Variants in DNM3 observed in about 807,000 individuals in gnomAD.
DNM3 encodes the protein dynamin-3.
A neutral mutation model predicts 101.6 loss-of-function variants in DNM3; 47 were observed. The ratio of observed to expected loss-of-function variants is 0.46; its 90% CI spans 0.37 to 0.59. The LOEUF (loss-of-function observed/expected upper bound fraction) is 0.59, where lower values mean the gene tolerates loss of function less well. DNM3 is among the 20% of genes least tolerant of loss of function. The pLI, the probability that DNM3 is intolerant of heterozygous loss-of-function variation, is 0.00. For synonymous variants in DNM3, 385 were observed against 387.9 expected (o/e 0.99, Z 0.09); for missense variants, 849 against 1,085.7 (o/e 0.78, Z 3.06).
chr1:171,894,130 G>C (rs1424678369), intron 1 of DNM3, among the ~76,000 whole-genome samples: 1 of 150,974 alleles, frequency 6.6e-6, no homozygotes, highest in East Asian at 2.0e-4. Flanking sequence ...CCCAATTTTT[G>C]TATTTTTAAT....
At chr1:172,385,825 T>C (rs1358869079) in intron 18 of DNM3, among the ~76,000 whole-genome samples, 2 of 152,208 alleles carry the variant, frequency 1.3e-5, no homozygotes, top group African/African-American at 4.8e-5. Flanking sequence ...AGCTTTCTCA[T>C]GTAACAGAGA....
chr1:172,344,304 C>T (rs181238831), intron 17 of DNM3, among the ~76,000 whole-genome samples: 2 of 152,262 alleles, frequency 1.3e-5, no homozygotes, highest in East Asian at 3.9e-4. Context: ...GTTGCTCTGC[C>T]CAGGTTATGT....
intron 13 of DNM3, among the ~76,000 whole-genome samples, chr1:172,115,684 C>T (rs1007494520): frequency 1.3e-5 from 2 of 152,190 alleles, no homozygotes; most frequent in African/African-American, 4.8e-5. Flanking sequence ...ATTCATTCCC[C>T]TCCTCCATCC....
chr1:171,892,628 A>G (rs2037391569), intron 1 of DNM3, among the ~76,000 whole-genome samples: 1 of 152,210 alleles, frequency 6.6e-6, no homozygotes, highest in Non-Finnish European at 1.5e-5. Context: ...TTGTTCATTT[A>G]TGTATACATG....
At chr1:172,046,204 A>C (rs1261609089) in intron 9 of DNM3, among the ~76,000 whole-genome samples, 1 of 152,120 alleles carries the variant, frequency 6.6e-6, no homozygotes, top group Non-Finnish European at 1.5e-5. Context: ...GCACATATAC[A>C]CCATGGAATA....
rs558229914 is a variant in DNM3, at chr1:172,337,021, T to C, written c.1893+13681T>C. Among the ~76,000 whole-genome samples, 302 of 152,352 alleles carry C rather than the reference T, an allele frequency of 2.0e-3. 7 individuals are homozygous for C. The highest frequency in any genetic ancestry group is 2.9e-4 in the Non-Finnish European group (20 of 68,034). Reference sequence around the variant, plus strand: ...CTATCTTCCAATGTATCGGCTATCATTATTTTTTGTACTTGCATGATGTTT... The same window carrying C: ...CTATCTTCCAATGTATCGGCTATCACTATTTTTTGTACTTGCATGATGTTT... On this transcript the variant is annotated intron_variant, in intron 17 of 20. Transcript: ENST00000627582.
chr1:172,334,594 T>A (rs539466730), intron 17 of DNM3, among the ~76,000 whole-genome samples: 2 of 152,182 alleles, frequency 1.3e-5, no homozygotes, highest in Non-Finnish European at 2.9e-5. Flanking sequence ...GGAGCCCAAT[T>A]CACTTAGGAT....
intron 15 of DNM3, among the ~76,000 whole-genome samples, chr1:172,288,199 A>G (rs1221906140): frequency 1.3e-5 from 2 of 152,236 alleles, no homozygotes; most frequent in Non-Finnish European, 2.9e-5. Flanking sequence ...GCTAATTACA[A>G]CTACTGTGAG....
At chr1:172,013,207 T>TC (rs1433290174) in intron 4 of DNM3, among the ~76,000 whole-genome samples, 1 of 152,082 alleles carries the variant, frequency 6.6e-6, no homozygotes, top group Non-Finnish European at 1.5e-5. Flanking sequence ...CTATGTTTCG[T>TC]CCCATTTCTT....
chr1:172,407,034 T>G (rs1281855948), intron 20 of DNM3, among the ~76,000 whole-genome samples: 1 of 152,000 alleles, frequency 6.6e-6, no homozygotes, highest in African/African-American at 2.4e-5. Flanking sequence ...ATAAATAATA[T>G]TACTTGGTAA....
intron 3 of DNM3, 56 bp downstream of exon 3, chr1:171,987,861 A>G: frequency 6.9e-7 from 1 of 1,446,996 alleles, no homozygotes; most frequent in Non-Finnish European, 9.2e-7. Flanking sequence ...TACTACATTA[A>G]TTAACATACA....
intron 14 of DNM3, among the ~76,000 whole-genome samples, chr1:172,195,286 C>T (rs1335758795): frequency 6.6e-6 from 1 of 151,914 alleles, no homozygotes; most frequent in Non-Finnish European, 1.5e-5. Flanking sequence ...AATCTTATAA[C>T]CTTGCTTTAA....
At chr1:172,321,155 A>G (rs1380561055) in intron 16 of DNM3, among the ~76,000 whole-genome samples, 2 of 152,210 alleles carry the variant, frequency 1.3e-5, no homozygotes, top group African/African-American at 4.8e-5. Context: ...CTCTTGGACA[A>G]ACTCTGAAAG....
intron 14 of DNM3, among the ~76,000 whole-genome samples, chr1:172,136,352 C>A (rs1191042058): frequency 6.6e-6 from 1 of 152,096 alleles, no homozygotes; most frequent in Non-Finnish European, 1.5e-5. Context: ...AAATATTCAG[C>A]TCTCTTTCTA....
intron 2 of DNM3, among the ~76,000 whole-genome samples, chr1:171,932,937 G>A (rs1307727748): frequency 6.6e-6 from 1 of 152,142 alleles, no homozygotes. Flanking sequence ...AAGGCCTAAC[G>A]TGCTTCTTTC....
At chr1:171,964,442 C>T (rs1368807548) in intron 2 of DNM3, among the ~76,000 whole-genome samples, 1 of 152,134 alleles carries the variant, frequency 6.6e-6, no homozygotes, top group East Asian at 1.9e-4. Flanking sequence ...ACCATATGAG[C>T]TGGAAGCCAC....
At chr1:172,120,947 G>A (rs75963023) in intron 13 of DNM3, among the ~76,000 whole-genome samples, 1,821 of 152,080 alleles carry the variant, frequency 0.012, 39 homozygotes, top group African/African-American at 0.041. Context: ...CTATTAAATC[G>A]TTAATAAATA....
intron 4 of DNM3, among the ~76,000 whole-genome samples, chr1:172,008,273 A>T (rs539612492): frequency 6.6e-6 from 1 of 152,030 alleles, no homozygotes; most frequent in South Asian, 2.1e-4. Flanking sequence ...AAAAATCTTT[A>T]TCTAGATCAA....
chr1:172,113,637 A>C (rs911260573), intron 13 of DNM3, among the ~76,000 whole-genome samples: 10 of 151,236 alleles, frequency 6.6e-5, no homozygotes, highest in East Asian at 3.9e-4. Context: ...AAAAAAAAAA[A>C]AAAAAAACAA....
Sources: gnomAD v4.1 joint callset for allele counts (sites outside exome capture counted in the v4.1 genomes callset) on GRCh38, gnomAD v4.1.1 for gene constraint, MANE v1.5 for transcripts, NCBI Gene and HGNC (gene_info 2026-07-23, HGNC 2026-07-21) for gene names.